The following PLD5 variants were observed in gnomAD, a reference collection of about 807,000 sequenced individuals.
The protein encoded by PLD5 is phospholipase D family member 5, also known as inactive phospholipase D5.
In PLD5, 36 loss-of-function variants were observed where a neutral mutation model predicts 61.1. The observed-to-expected ratio is 0.59, with a 90% confidence interval of 0.45 to 0.78. PLD5 has a LOEUF of 0.78. Among genes scored for constraint, PLD5 ranks in the 30% least tolerant of loss-of-function variants. The pLI is 0.00. For synonymous variants in PLD5, 243 were observed against 242.8 expected (o/e 1.00, Z -0.01); for missense variants, 515 against 644.4 (o/e 0.80, Z 2.17).
At chr1:242,411,238 T>TTTGTG (rs1366182523) in intron 1 of PLD5, among the ~76,000 whole-genome samples, 1 of 151,772 alleles carries the variant, frequency 6.6e-6, no homozygotes, top group African/African-American at 2.4e-5. Flanking sequence ...GTTTTTTTGT[T>TTTGTG]TTGTTTTGTT....
At chr1:242,363,630 G>A (rs1661190506) in intron 1 of PLD5, among the ~76,000 whole-genome samples, 1 of 151,396 alleles carries the variant, frequency 6.6e-6, no homozygotes, top group Non-Finnish European at 1.5e-5. Context: ...CAAGAAACAG[G>A]AAACTATGAT....
rs369736678 is a variant in PLD5, at chr1:242,517,862, T to C, written c.189+6226A>G. 5.3e-5 allele frequency among the ~76,000 whole-genome samples: 8 copies of C among 152,164 alleles called. No homozygotes were observed. The East Asian group carries it at 1.3e-3, about 26-fold the overall frequency. On this transcript the variant is annotated intron_variant, in intron 1 of 9. Transcript: ENST00000536534. The stretch of plus-strand genomic sequence containing the variant: ...TTTCACATGAAAGACACTCAGTAAA[T>C]ATCTGGTGACTGATGAGTTTGCCAA...
intron 5 of PLD5, among the ~76,000 whole-genome samples, chr1:242,215,135 A>G (rs556575903): frequency 1.5e-4 from 22 of 147,736 alleles, no homozygotes; most frequent in Non-Finnish European, 2.2e-4. Context: ...TGATCTGCCC[A>G]CCTCAGCCTC....
Position 242,083,334 on chromosome 1 carries a change from GC to G in PLD5, c.*6519del, listed in dbSNP as rs1293590542. 3.3e-5 allele frequency: 5 copies of G among 152,172 alleles called. No homozygotes were observed. The highest frequency in any genetic ancestry group is 5.9e-5 in the Non-Finnish European group (4 of 68,060). The allele number at this position is 152,172 out of a possible 1,614,324, so 9.4% of individuals were successfully genotyped here. On this transcript the variant is annotated 3_prime_UTR_variant, in exon 10 of 10. Coordinates refer to ENST00000536534, the MANE Select transcript of PLD5 (RefSeq NM_001372062.1). ...TAGGTACACTTTCATTCCTTAGGCC[GC>G]CCTCTGGCCTGAAAATGAGTCTCTT...
chr1:242,461,489 A>G (rs1667117530), intron 1 of PLD5, among the ~76,000 whole-genome samples: 1 of 152,254 alleles, frequency 6.6e-6, no homozygotes. Flanking sequence ...ATTTTTAAAA[A>G]GTCACATACA....
chr1:242,152,448 T>C (rs1000884079), intron 5 of PLD5, among the ~76,000 whole-genome samples: 2 of 152,154 alleles, frequency 1.3e-5, no homozygotes, highest in African/African-American at 4.8e-5. Flanking sequence ...GGTGGTTTGG[T>C]GCACCCATCA....
chr1:242,454,186 C>T (rs995376028), intron 1 of PLD5, among the ~76,000 whole-genome samples: 2 of 151,930 alleles, frequency 1.3e-5, no homozygotes, highest in Non-Finnish European at 2.9e-5. Flanking sequence ...CAAAAATATT[C>T]GCCAGGTGTG....
chr1:242,514,371 C>G (rs1359170828), intron 1 of PLD5, among the ~76,000 whole-genome samples: 1 of 152,178 alleles, frequency 6.6e-6, no homozygotes, highest in Non-Finnish European at 1.5e-5. Flanking sequence ...AAGAGTGAGG[C>G]CTTCCTTGAT....
chr1:242,523,745 A>G (rs2246486), intron 1 of PLD5, among the ~76,000 whole-genome samples: 105,479 of 152,156 alleles, frequency 0.69, 37,875 homozygotes, highest in African/African-American at 0.88. Context: ...ATGCAACGCC[A>G]GGTTGCTCGG....
intron 5 of PLD5, among the ~76,000 whole-genome samples, chr1:242,207,034 A>T (rs1315186324): frequency 6.6e-6 from 1 of 152,162 alleles, no homozygotes. Context: ...CTTCTTTGGG[A>T]AACCCCACTC....
chr1:242,122,026 A>T (rs531880594), intron 6 of PLD5, among the ~76,000 whole-genome samples: 17 of 152,288 alleles, frequency 1.1e-4, no homozygotes, highest in Admixed American at 4.6e-4. Context: ...CCAACATGGC[A>T]CATGTATACA....
upstream of PLD5, among the ~76,000 whole-genome samples, chr1:242,527,114 C>CTTTTT (rs530334746): frequency 4.5e-3 from 323 of 71,954 alleles, 41 homozygotes; most frequent in Non-Finnish European, 5.7e-3. Flanking sequence ...CTATCTCCTT[C>CTTTTT]TTTTTTTTTT....
chr1:242,375,836 T>C (rs917867897), intron 1 of PLD5, among the ~76,000 whole-genome samples: 2 of 152,102 alleles, frequency 1.3e-5, no homozygotes, highest in African/African-American at 4.8e-5. Context: ...TAACGGCCAA[T>C]TGCAATACAC....
At chr1:242,216,803 G>A (rs1195900111) in intron 5 of PLD5, among the ~76,000 whole-genome samples, 1 of 152,178 alleles carries the variant, frequency 6.6e-6, no homozygotes, top group African/African-American at 2.4e-5. Flanking sequence ...CACTTTCATA[G>A]CTAGAAAGGA....
chr1:242,466,343 C>G (rs564655439), intron 1 of PLD5, among the ~76,000 whole-genome samples: 37 of 152,088 alleles, frequency 2.4e-4, no homozygotes, highest in African/African-American at 8.7e-4. Context: ...AACGGACCAT[C>G]AAGATACTCA....
intron 5 of PLD5, among the ~76,000 whole-genome samples, chr1:242,198,594 G>C (rs916467590): frequency 7.0e-6 from 1 of 143,670 alleles, no homozygotes; most frequent in East Asian, 2.1e-4. Flanking sequence ...GTGCTAACAA[G>C]ACTGCCACTA....
chr1:242,340,385 A>G (rs1356249071), intron 2 of PLD5, among the ~76,000 whole-genome samples: 2 of 152,156 alleles, frequency 1.3e-5, no homozygotes, highest in Admixed American at 6.6e-5. Flanking sequence ...TGGGTTTGTC[A>G]ATACAAAGCA....
At chr1:242,253,777 G>A (rs1456282715) in intron 4 of PLD5, among the ~76,000 whole-genome samples, 3 of 152,196 alleles carry the variant, frequency 2.0e-5, no homozygotes, top group East Asian at 1.9e-4. Flanking sequence ...AGGTTCTTAT[G>A]TATTAGGGAT....
chr1:242,333,930 C>T (rs948493686), intron 2 of PLD5, among the ~76,000 whole-genome samples: 12 of 152,124 alleles, frequency 7.9e-5, no homozygotes, highest in Non-Finnish European at 1.3e-4. Flanking sequence ...TGCATATCTT[C>T]GCTACTGTGA....
Sources: gnomAD v4.1 joint callset for allele counts (sites outside exome capture counted in the v4.1 genomes callset) on GRCh38, gnomAD v4.1.1 for gene constraint, MANE v1.5 for transcripts, NCBI Gene and HGNC (gene_info 2026-07-23, HGNC 2026-07-21) for gene names.